Variants in GPC6 observed in about 807,000 individuals in gnomAD.
The protein encoded by GPC6 is glypican-6.
Under a neutral mutation model 55.2 loss-of-function variants are expected in GPC6, and 14 were observed. That is an observed-to-expected ratio of 0.25 (90% CI 0.17 to 0.40). The LOEUF is 0.40. Among genes scored for constraint, GPC6 ranks in the 10% least tolerant of loss-of-function variants. The pLI, the probability that GPC6 is intolerant of heterozygous loss-of-function variation, is 1.00. For synonymous variants in GPC6, 278 were observed against 259.6 expected (o/e 1.07, Z -0.68); for missense variants, 641 against 708.5 (o/e 0.90, Z 1.08).
chr13:93,896,168 A>G (rs762155207), intron 3 of GPC6, among the ~76,000 whole-genome samples: 2 of 152,062 alleles, frequency 1.3e-5, no homozygotes, highest in African/African-American at 2.4e-5. Flanking sequence ...ATAAATACGT[A>G]CAGCTATTAT....
chr13:93,338,038 AT>A lies in GPC6; in HGVS notation c.160+110427del, dbSNP rs975553437. ...CCCTATTACCCTTTTTTGTTTGTTC[AT>A]TTTTCGCTAAATTAAACTTTAATAT... On this transcript the variant is annotated intron_variant, in intron 1 of 8. Transcript: ENST00000377047. Among the ~76,000 whole-genome samples, 4 of 152,104 alleles carry A rather than the reference AT, an allele frequency of 2.6e-5. No homozygotes were observed. In the East Asian group the frequency reaches 7.7e-4, roughly 29 times the overall value.
At chr13:93,673,018 A>C (rs906359668) in intron 2 of GPC6, among the ~76,000 whole-genome samples, 3 of 152,180 alleles carry the variant, frequency 2.0e-5, no homozygotes, top group Non-Finnish European at 4.4e-5. Flanking sequence ...AGAAAAGACA[A>C]AAGTATTTTT....
chr13:93,495,312 G>A (rs1043381648), intron 1 of GPC6, among the ~76,000 whole-genome samples: 25 of 149,986 alleles, frequency 1.7e-4, no homozygotes, highest in East Asian at 6.0e-4. Context: ...CCAGTTGATC[G>A]CATCAGCTCC....
intron 4 of GPC6, among the ~76,000 whole-genome samples, chr13:94,284,335 G>C (rs936781736): frequency 6.6e-6 from 1 of 152,108 alleles, no homozygotes; most frequent in Non-Finnish European, 1.5e-5. Context: ...ACCTTTTACA[G>C]TGGCCTCAAA....
chr13:93,313,249 CT>C lies in GPC6; in HGVS notation c.160+85634del, dbSNP rs551093385. On this transcript the variant is annotated intron_variant, in intron 1 of 8. Coordinates refer to ENST00000377047, the MANE Select transcript of GPC6 (RefSeq NM_005708.5). Reference sequence around the variant, plus strand: ...CAACCAAACAAACAACAACTAAGAACTAATAAAATCTTTGAAGCTTGAAACT... The same window carrying C: ...CAACCAAACAAACAACAACTAAGAACAATAAAATCTTTGAAGCTTGAAACT... 7.2e-5 allele frequency among the ~76,000 whole-genome samples: 11 copies of C among 151,824 alleles called. No individual in the cohort carries two copies. The East Asian group carries it at 2.1e-3, about 30-fold the overall frequency.
chr13:93,654,617 T>G (rs1452080569), intron 2 of GPC6, among the ~76,000 whole-genome samples: 3 of 152,052 alleles, frequency 2.0e-5, no homozygotes, highest in African/African-American at 7.2e-5. Flanking sequence ...TGTGATTAAG[T>G]AATTATTTTT....
At chr13:93,666,341 CT>C (rs572807130) in intron 2 of GPC6, among the ~76,000 whole-genome samples, 1 of 150,838 alleles carries the variant, frequency 6.6e-6, no homozygotes, top group Non-Finnish European at 1.5e-5. Flanking sequence ...TCAATTTATA[CT>C]TTAAAAAAAA....
chr13:93,834,467 A>G (rs965634946), intron 3 of GPC6, among the ~76,000 whole-genome samples: 3 of 152,180 alleles, frequency 2.0e-5, no homozygotes, highest in African/African-American at 7.2e-5. Flanking sequence ...AAAGAATCAG[A>G]TGGTGGTTAC....
chr13:93,486,617 T>C (rs1879719617), intron 1 of GPC6, among the ~76,000 whole-genome samples: 1 of 152,138 alleles, frequency 6.6e-6, no homozygotes, highest in South Asian at 2.1e-4. Flanking sequence ...AACTGACTGC[T>C]CTTTTCCAAA....
At chr13:93,723,098 T>C (rs1249117958) in intron 2 of GPC6, among the ~76,000 whole-genome samples, 1 of 151,990 alleles carries the variant, frequency 6.6e-6, no homozygotes, top group Non-Finnish European at 1.5e-5. Context: ...AACATTTAGC[T>C]CAATGGCAAT....
intron 7 of GPC6, among the ~76,000 whole-genome samples, chr13:94,393,864 C>T (rs1434999574): frequency 1.3e-5 from 2 of 152,124 alleles, no homozygotes; most frequent in African/African-American, 4.8e-5. Flanking sequence ...ATGAGAAATA[C>T]TAAGCACATT....
intron 1 of GPC6, among the ~76,000 whole-genome samples, chr13:93,481,631 C>T: frequency 9.5e-6 from 1 of 105,112 alleles, no homozygotes; most frequent in Admixed American, 1.1e-4. Context: ...AAGTAGGGAT[C>T]CAGCTTCATT....
intron 1 of GPC6, among the ~76,000 whole-genome samples, chr13:93,426,338 A>G (rs894039295): frequency 6.6e-6 from 1 of 151,372 alleles, no homozygotes; most frequent in Non-Finnish European, 1.5e-5. Context: ...TGCACCCATT[A>G]ACTCGTCATC....
In GPC6 at chr13:93,406,616, G is replaced by A. The variant is rs151057513; in HGVS notation, c.161-138647G>A. Among the ~76,000 whole-genome samples, 226 of 152,282 alleles carry A rather than the reference G, an allele frequency of 1.5e-3. 2 individuals are homozygous for A. Among genetic ancestry groups the A allele is most frequent in the African/African-American group, 5.3e-3 (219 of 41,574 alleles). On this transcript the variant is annotated intron_variant, in intron 1 of 8. Transcript: ENST00000377047. ...TAAACCACTGAATAACAAACTCACA[G>A]AAGTGAGACATGAATTAAGAATTAC...
intron 2 of GPC6, among the ~76,000 whole-genome samples, chr13:93,574,547 A>T (rs144932175): frequency 1.5e-3 from 225 of 152,216 alleles, no homozygotes; most frequent in Middle Eastern, 3.4e-3. Flanking sequence ...TGCCCATTTT[A>T]TCATGTTTTG....
Position 94,014,581 on chromosome 13 carries a change from G to A in GPC6, c.712-13148G>A, listed in dbSNP as rs749814046. Reference sequence around the variant, plus strand: ...GAGGCCAAGTTTTTAGTATATTTACGGTGTTAGCAAGCACCACTGTTCCCA... The same window carrying A: ...GAGGCCAAGTTTTTAGTATATTTACAGTGTTAGCAAGCACCACTGTTCCCA... On this transcript the variant is annotated intron_variant, in intron 3 of 8. Transcript: ENST00000377047. 6.6e-5 allele frequency among the ~76,000 whole-genome samples: 10 copies of A among 151,902 alleles called. No homozygotes were observed. The Middle Eastern group carries it at 0.01, about 155-fold the overall frequency.
chr13:94,265,908 T>C (rs964811315), intron 4 of GPC6, among the ~76,000 whole-genome samples: 10 of 152,172 alleles, frequency 6.6e-5, no homozygotes, highest in African/African-American at 1.9e-4. Context: ...CTGAAAAACA[T>C]ATCAGCAGAA....
chr13:93,944,681 C>T (rs1878914020), intron 3 of GPC6, among the ~76,000 whole-genome samples: 1 of 152,240 alleles, frequency 6.6e-6, no homozygotes, highest in Middle Eastern at 3.4e-3. Flanking sequence ...TCTCATATTT[C>T]AAGGAATTTG....
chr13:94,305,851 A>G (rs950977442), intron 5 of GPC6, 129 bp from the exon 6 acceptor site: 10 of 874,224 alleles, frequency 1.1e-5, no homozygotes, highest in Non-Finnish European at 1.7e-5. Flanking sequence ...TTACATTTCA[A>G]AATTAGAGTT....
Sources: allele counts gnomAD v4.1 joint callset (sites outside exome capture counted in the v4.1 genomes callset), GRCh38; gene constraint gnomAD v4.1.1; transcripts MANE v1.5; gene names NCBI Gene and HGNC (gene_info 2026-07-23, HGNC 2026-07-21).